The following MANBA variants were observed in gnomAD, a reference collection of about 807,000 sequenced individuals.
MANBA encodes beta-mannosidase.
Under a neutral mutation model 111.1 loss-of-function variants are expected in MANBA, and 83 were observed. The ratio of observed to expected loss-of-function variants is 0.75; its 90% CI spans 0.63 to 0.90. MANBA has a LOEUF of 0.90. Ranked by LOEUF, MANBA falls within the 40% of genes least tolerant of loss-of-function variation. The pLI is 0.00. For missense variants in MANBA, 1,036 were observed against 1,069.0 expected (o/e 0.97, Z 0.43); for synonymous variants, 370 against 378.7 (o/e 0.98, Z 0.27).
chr4:102,747,248 C>G (rs1280779052), intron 1 of MANBA, among the ~76,000 whole-genome samples: 1 of 152,030 alleles, frequency 6.6e-6, no homozygotes, highest in Non-Finnish European at 1.5e-5. Flanking sequence ...AGCTGAGAAG[C>G]AAGGAAGCCA....
At position 102,635,025 on chromosome 4, in the gene MANBA, G is replaced by C; in HGVS notation, c.2178C>G (p.Ser726Arg). ...MTLSVRVHTW[S>R]SLEPVCSRVT... ...CACGAGAGCACACGGGCTCCAGGGA[G>C]CTCCATGTATGGACTCTCACCTGGG... The change falls in exon 16 of 17, where the codon AGC (serine) becomes AGG (arginine). Residue 726 changes from serine to arginine, a missense_variant. Ser to Arg is a moderately radical substitution (Grantham distance 110). Transcript: ENST00000647097. The C allele has an allele frequency of 6.2e-7, 1 of 1,614,148 alleles. No homozygotes were observed. The highest frequency in any genetic ancestry group is 8.5e-7 in the Non-Finnish European group (1 of 1,179,988).
intron 4 of MANBA, among the ~76,000 whole-genome samples, chr4:102,719,295 A>G (rs1188072318): frequency 1.3e-5 from 2 of 152,192 alleles, no homozygotes; most frequent in African/African-American, 4.8e-5. Context: ...GCTTTCTGCA[A>G]GAAGATAAAT....
chr4:102,728,005 G>A, intron 1 of MANBA: 1 of 445,732 alleles, frequency 2.2e-6, no homozygotes, highest in Non-Finnish European at 4.3e-6. Context: ...AAACCAAAAT[G>A]GGTAAGTCTT....
chr4:102,711,743 A>T (rs1329243085), intron 5 of MANBA, among the ~76,000 whole-genome samples: 1 of 152,190 alleles, frequency 6.6e-6, no homozygotes, highest in Admixed American at 6.5e-5. Context: ...AAAAAAGAAT[A>T]AAATCATGTC....
chr4:102,641,048 A>G (rs1454623643), intron 13 of MANBA, among the ~76,000 whole-genome samples: 1 of 152,250 alleles, frequency 6.6e-6, no homozygotes, highest in Non-Finnish European at 1.5e-5. Context: ...TCACAGAAAG[A>G]TACGTAATCA....
At chr4:102,633,465 G>A (rs1729477127) in intron 16 of MANBA, 1 of 398,524 alleles carries the variant, frequency 2.5e-6, no homozygotes, top group African/African-American at 2.1e-5. Flanking sequence ...TGGGATTCAA[G>A]CTTGCACCCT....
At chr4:102,654,275 T>C (rs1157960332) in intron 12 of MANBA, among the ~76,000 whole-genome samples, 1 of 152,140 alleles carries the variant, frequency 6.6e-6, no homozygotes, top group East Asian at 1.9e-4. Context: ...ACAACAGTAT[T>C]CCCAAAAGAT....
intron 10 of MANBA, chr4:102,668,259 G>A (rs955661849): frequency 2.0e-5 from 3 of 152,558 alleles, no homozygotes; most frequent in African/African-American, 7.2e-5. Flanking sequence ...ATTATCAGTT[G>A]ATAATATTAT....
In MANBA at chr4:102,690,658, T is replaced by C. The variant is rs1560775906; in HGVS notation, c.787A>G (p.Thr263Ala). ...VAIPKLQTQQ[T>A]YSIELQPGKR... ...CCAGGTTGAAGTTCAATGCTGTATG[T>C]CTGTTGTGTTTGCAACTTAGGGATG... Residue 263 changes from threonine to alanine, a missense_variant, in exon 6 of 17, where the codon ACA becomes GCA. Coordinates refer to ENST00000647097, the MANE Select transcript of MANBA (RefSeq NM_005908.4). The C allele has an allele frequency of 1.9e-6, 3 of 1,612,600 alleles. No homozygotes were observed. The highest frequency in any genetic ancestry group is 4.5e-5 in the East Asian group (2 of 44,810).
intron 10 of MANBA, chr4:102,666,675 A>G (rs1731240957): frequency 6.6e-6 from 1 of 152,190 alleles, no homozygotes; most frequent in East Asian, 1.9e-4. Context: ...AGGATCTTAC[A>G]CCTTACCCAG....
chr4:102,664,455 G>T (rs1024136166), intron 11 of MANBA, among the ~76,000 whole-genome samples: 5 of 151,596 alleles, frequency 3.3e-5, no homozygotes, highest in African/African-American at 7.3e-5. Flanking sequence ...TTCACGCCAT[G>T]CTCCTGCCTC....
At chr4:102,739,132 T>C (rs1379501600) in intron 1 of MANBA, among the ~76,000 whole-genome samples, 1 of 152,162 alleles carries the variant, frequency 6.6e-6, no homozygotes, top group Non-Finnish European at 1.5e-5. Context: ...TTACAATTGA[T>C]ACCACAGAAA....
chr4:102,728,148 C>T (rs921362107), intron 1 of MANBA: 16 of 538,340 alleles, frequency 3.0e-5, no homozygotes, highest in South Asian at 6.9e-5. Context: ...GTATAGATGG[C>T]GTTTCCTGCT....
At chr4:102,757,080 A>G (rs1029806267) in intron 1 of MANBA, among the ~76,000 whole-genome samples, 1 of 152,142 alleles carries the variant, frequency 6.6e-6, no homozygotes, top group Non-Finnish European at 1.5e-5. Flanking sequence ...CTGTAATTCC[A>G]GCACTTTGGA....
chr4:102,754,974 C>T (rs548195520), intron 1 of MANBA, among the ~76,000 whole-genome samples: 3 of 152,162 alleles, frequency 2.0e-5, no homozygotes, highest in African/African-American at 7.2e-5. Flanking sequence ...TAAAAGAGAA[C>T]ACAAACAAAT....
rs560228013 is a variant in MANBA, at chr4:102,741,187, T to A, written c.178-14504A>T. ...GAAGATATACAAATAGCAGAAAAAA[T>A]TTAAAAATGTTTAACATCACTATCA... is the stretch of plus-strand genomic sequence containing the variant. On this transcript the variant is annotated intron_variant, in intron 1 of 16. Transcript: ENST00000647097. 1.4e-3 allele frequency among the ~76,000 whole-genome samples: 208 copies of A among 151,322 alleles called. No homozygotes were observed. In the Middle Eastern group the frequency reaches 0.017, roughly 12 times the overall value.
chr4:102,737,545 C>A (rs1045233114), intron 1 of MANBA, among the ~76,000 whole-genome samples: 1 of 151,922 alleles, frequency 6.6e-6, no homozygotes, highest in Non-Finnish European at 1.5e-5. Context: ...TGCAGTGGCA[C>A]GATCTCTGCT....
chr4:102,702,163 G>A (rs1335009893), intron 5 of MANBA, among the ~76,000 whole-genome samples: 3 of 151,682 alleles, frequency 2.0e-5, no homozygotes, highest in Non-Finnish European at 2.9e-5. Flanking sequence ...GGCTCCTGAG[G>A]CTTCTGCATT....
chr4:102,698,090 G>T (rs906326717), intron 5 of MANBA, among the ~76,000 whole-genome samples: 1 of 151,832 alleles, frequency 6.6e-6, no homozygotes, highest in African/African-American at 2.4e-5. Context: ...GTTTTGATTT[G>T]CATTTCTCTG....
Sources: allele counts gnomAD v4.1 joint callset (sites outside exome capture counted in the v4.1 genomes callset), GRCh38; gene constraint gnomAD v4.1.1; transcripts MANE v1.5; gene names NCBI Gene and HGNC (gene_info 2026-07-23, HGNC 2026-07-21).